Variants in TGS1 observed in about 807,000 individuals in gnomAD.
TGS1 encodes the protein trimethylguanosine synthase.
Under a neutral mutation model 92.2 loss-of-function variants are expected in TGS1, and 69 were observed. The observed-to-expected ratio is 0.75, with a 90% confidence interval of 0.62 to 0.91. The LOEUF (loss-of-function observed/expected upper bound fraction) is 0.91, where lower values mean the gene tolerates loss of function less well. Ranked by LOEUF, TGS1 falls within the 40% of genes least tolerant of loss-of-function variation. The pLI is 0.00. For missense variants in TGS1, 1,062 were observed against 1,001.2 expected (o/e 1.06, Z -0.82); for synonymous variants, 345 against 338.1 (o/e 1.02, Z -0.22).
intron 6 of TGS1, among the ~76,000 whole-genome samples, chr8:55,793,358 G>C (rs1235254836): frequency 6.6e-6 from 1 of 152,164 alleles, no homozygotes; most frequent in Non-Finnish European, 1.5e-5. Context: ...TGGGTTTAGT[G>C]GTGCATGCTT....
chr8:55,812,640 C>T (rs7013857), intron 11 of TGS1, among the ~76,000 whole-genome samples: 22,816 of 151,588 alleles, frequency 0.15, 1,999 homozygotes, highest in African/African-American at 0.24. Context: ...ATTGAGATTA[C>T]GCTACTGCAC....
At chr8:55,777,361 G>A (rs4492347) in intron 1 of TGS1, among the ~76,000 whole-genome samples, 23,916 of 149,712 alleles carry the variant, frequency 0.16, 2,292 homozygotes, top group African/African-American at 0.27. Context: ...GTATCTGATC[G>A]CTCTGGCCTG....
chr8:55,773,845 G>GT lies in TGS1; in HGVS notation c.101+129dup, dbSNP rs764405359. On this transcript the variant is annotated intron_variant, in intron 1 of 12. Transcript: ENST00000260129. ...ACATCTGACCCTTGGGCACGGTGATGTTTAAGAAAAACAAAACCCTCAGAC... is the reference window on the plus strand; with the variant it reads ...ACATCTGACCCTTGGGCACGGTGATGTTTTAAGAAAAACAAAACCCTCAGAC... 250 of 739,178 alleles carry GT rather than the reference G, an allele frequency of 3.4e-4. 1 individual carries two copies. Among genetic ancestry groups the GT allele is most frequent in the Non-Finnish European group, 1.8e-4 (84 of 460,228 alleles). 45.8% of individuals were successfully genotyped at this position (739,178 alleles called of 1,614,324 possible).
At chr8:55,821,293 T>G (rs1803627017) in intron 12 of TGS1, among the ~76,000 whole-genome samples, 1 of 152,226 alleles carries the variant, frequency 6.6e-6, no homozygotes, top group African/African-American at 2.4e-5. Context: ...AATGTAAAAT[T>G]CATGGAGGTG....
intron 10 of TGS1, among the ~76,000 whole-genome samples, chr8:55,806,947 A>C (rs1220582401): frequency 2.1e-5 from 3 of 141,012 alleles, no homozygotes; most frequent in African/African-American, 7.8e-5. Flanking sequence ...TTTTTTTTTG[A>C]GACGGGGTCT....
chr8:55,800,986 T>C (rs1812198473), intron 8 of TGS1, among the ~76,000 whole-genome samples: 1 of 152,188 alleles, frequency 6.6e-6, no homozygotes. Context: ...ATAAAAATTA[T>C]TTAAGGAAAA....
intron 11 of TGS1, among the ~76,000 whole-genome samples, chr8:55,811,561 A>G (rs959073587): frequency 1.3e-4 from 20 of 152,052 alleles, no homozygotes; most frequent in African/African-American, 4.6e-4. Context: ...GGAGATCGAG[A>G]CCATCCTGGC....
chr8:55,811,034 G>GGGGAGGGCCAGACTATGCCACT lies in TGS1; in HGVS notation c.2299_2320dup (p.Ala774GlyfsTer12). 6.2e-7 allele frequency: 1 copy of GGGGAGGGCCAGACTATGCCACT among 1,614,150 alleles called. No homozygotes were observed. Among genetic ancestry groups the GGGGAGGGCCAGACTATGCCACT allele is most frequent in the Non-Finnish European group, 8.5e-7 (1 of 1,180,030 alleles). On this transcript the variant is annotated frameshift_variant, in exon 11 of 13. Transcript: ENST00000260129. LOFTEE classifies it high-confidence loss of function. ...GATGTTGTGTTCCTCAGCCCACCTTGGGGAGGGCCAGACTATGCCACTGCA... is the reference window on the plus strand; with the variant it reads ...GATGTTGTGTTCCTCAGCCCACCTTGGGGAGGGCCAGACTATGCCACTGGGAGGGCCAGACTATGCCACTGCA...
chr8:55,805,757 A>G (rs759551122), intron 10 of TGS1, among the ~76,000 whole-genome samples: 3 of 151,856 alleles, frequency 2.0e-5, no homozygotes, highest in Non-Finnish European at 2.9e-5. Context: ...GGTGGCATGC[A>G]TCTGTAATCC....
At chr8:55,804,163 A>G (rs565065202) in intron 9 of TGS1, among the ~76,000 whole-genome samples, 1 of 152,186 alleles carries the variant, frequency 6.6e-6, no homozygotes, top group East Asian at 1.9e-4. Flanking sequence ...AGTTTTGGCC[A>G]GGCATGGTGG....
chr8:55,812,924 G>GTT (rs1213230660), intron 11 of TGS1, 116 bp from the exon 12 acceptor site: 1 of 771,166 alleles, frequency 1.3e-6, no homozygotes, highest in East Asian at 2.7e-5. Context: ...GAGGGTTTAA[G>GTT]TTTTTGCCTT....
At chr8:55,774,334 C>G (rs1331735974) in intron 1 of TGS1, among the ~76,000 whole-genome samples, 1 of 152,148 alleles carries the variant, frequency 6.6e-6, no homozygotes, top group Non-Finnish European at 1.5e-5. Flanking sequence ...AGTTAAACCA[C>G]TTGAACCTTT....
intron 10 of TGS1, 74 bp from the exon 11 acceptor site, chr8:55,810,807 T>C: frequency 1.6e-6 from 2 of 1,252,418 alleles, no homozygotes; most frequent in Admixed American, 1.7e-5. Flanking sequence ...TGACAGACTA[T>C]TCGAAAGACA....
In TGS1 at chr8:55,773,689, T is replaced by A. The variant is rs1051793483; in HGVS notation, c.71T>A (p.Ile24Lys). 6.2e-7 allele frequency: 1 copy of A among 1,611,434 alleles called. No individual in the cohort carries two copies. ...ATTGAGGAGCGGGAGGATTGTAAGA[T>A]ACTGTGCCTTTGCTCCAGGGCATTT... ...LFIEEREDCK[I>K]LCLCSRAFVE... Residue 24 changes from isoleucine (I) to lysine (K), a missense_variant, in exon 1 of 13, where the codon ATA (isoleucine) becomes AAA (lysine). Ile to Lys is a moderately radical substitution (Grantham distance 102, BLOSUM62 -3). Coordinates refer to ENST00000260129, the MANE Select transcript of TGS1 (RefSeq NM_024831.8).
chr8:55,814,239 C>T (rs889486426), intron 12 of TGS1, among the ~76,000 whole-genome samples: 11 of 152,216 alleles, frequency 7.2e-5, no homozygotes, highest in African/African-American at 2.4e-4. Context: ...TGAGCCACCA[C>T]GCGCAGCTGA....
In TGS1 at chr8:55,786,880, T is replaced by A; in HGVS notation, c.982T>A (p.Ser328Thr). The A allele has an allele frequency of 6.2e-7, 1 of 1,614,086 alleles. No individual in the cohort carries two copies. The highest frequency in any genetic ancestry group is 2.2e-5 in the East Asian group (1 of 44,880). ...TGGAATTAGTAACATAAAACTGAAT[T>A]CAGAGGAAGTAACACAGAGCCAATT... Reference protein sequence around the residue: ...LDGISNIKLNSEEVTQSQLDS... With the variant: ...LDGISNIKLNTEEVTQSQLDS... Residue 328 changes from serine (S) to threonine (T), a missense_variant, in exon 4 of 13, where the codon TCA (serine) becomes ACA (threonine). Transcript: ENST00000260129.
Position 55,802,590 on chromosome 8 carries a change from G to T in TGS1, c.1983G>T (p.Gly661=). Residue 661 remains glycine (G), a synonymous_variant, in exon 9 of 13, where the codon GGG becomes GGT. Transcript: ENST00000260129. Reference sequence around the variant, plus strand: ...GGCTCTTCTCCCGTTTTGATGATGGGATTAAGTTGGACAGAGGTAAAGTAT... The same window carrying T: ...GGCTCTTCTCCCGTTTTGATGATGGTATTAAGTTGGACAGAGGTAAAGTAT... ...RYRLFSRFDD[G]IKLDREGWFS... is the part of the protein sequence containing the mutation. The T allele has an allele frequency of 6.2e-7, 1 of 1,612,286 alleles. No individual in the cohort carries two copies. Among genetic ancestry groups the T allele is most frequent in the Non-Finnish European group, 8.5e-7 (1 of 1,179,504 alleles).
At chr8:55,812,142 G>A (rs111529579) in intron 11 of TGS1, among the ~76,000 whole-genome samples, 196 of 152,124 alleles carry the variant, frequency 1.3e-3, no homozygotes, top group African/African-American at 4.6e-3. Flanking sequence ...ATAGAGTAAC[G>A]TTTGTTATTT....
At chr8:55,819,377 A>G (rs1241867594) in intron 12 of TGS1, among the ~76,000 whole-genome samples, 1 of 135,526 alleles carries the variant, frequency 7.4e-6, no homozygotes, top group Non-Finnish European at 1.5e-5. Context: ...GCTCACCACA[A>G]CCTCCACTTC....
Sources: allele counts gnomAD v4.1 joint callset (sites outside exome capture counted in the v4.1 genomes callset), GRCh38; gene constraint gnomAD v4.1.1; transcripts MANE v1.5; gene names NCBI Gene and HGNC (gene_info 2026-07-23, HGNC 2026-07-21).